SLC35D4: variants seen among roughly 807,000 people sequenced by gnomAD.
The protein encoded by SLC35D4 is solute carrier family 35 member D4, also known as UDP-N-acetylglucosamine transporter SLC35D4.
At chr18:23,436,307 C>T in the SLC35D4 span, among the ~76,000 whole-genome samples, 472 of 80,568 alleles carry the variant, frequency 5.9e-3, 7 homozygotes, top group African/African-American at 0.023. Flanking sequence ...GGATTACAGG[C>T]GTGAGCCACC....
chr18:23,308,303 A>G, the SLC35D4 span, among the ~76,000 whole-genome samples: 1 of 152,152 alleles, frequency 6.6e-6, no homozygotes, highest in Non-Finnish European at 1.5e-5. Context: ...TCCCCTCCCC[A>G]GATCCGCAGG....
the SLC35D4 span, among the ~76,000 whole-genome samples, chr18:23,295,648 T>C: frequency 6.6e-6 from 1 of 152,136 alleles, no homozygotes; most frequent in Non-Finnish European, 1.5e-5. Context: ...GGTACTCAAG[T>C]TCCAAATACA....
chr18:23,317,486 G>A, the SLC35D4 span, among the ~76,000 whole-genome samples: 2 of 152,240 alleles, frequency 1.3e-5, no homozygotes, highest in Admixed American at 1.3e-4. Flanking sequence ...TCCACCAGCA[G>A]TGTGTGAGGG....
At chr18:23,437,903 T>TGGCCGCCGCCC in the SLC35D4 span, 1 of 1,571,080 alleles carries the variant, frequency 6.4e-7, no homozygotes. Flanking sequence ...CCAAATCCCC[T>TGGCCGCCGCCC]GGCCGCCGCC....
At chr18:23,407,884 T>C in the SLC35D4 span, among the ~76,000 whole-genome samples, 11 of 152,336 alleles carry the variant, frequency 7.2e-5, no homozygotes, top group South Asian at 2.3e-3. Context: ...TCCATGACTT[T>C]ATCCTTGGAT....
At chr18:23,426,168 GA>G in the SLC35D4 span, among the ~76,000 whole-genome samples, 2 of 150,908 alleles carry the variant, frequency 1.3e-5, no homozygotes, top group South Asian at 2.1e-4. Context: ...TGATGGAGAA[GA>G]AAAAAACATA....
chr18:23,301,277 T>C, the SLC35D4 span, among the ~76,000 whole-genome samples: 2 of 152,216 alleles, frequency 1.3e-5, no homozygotes, highest in Non-Finnish European at 2.9e-5. Context: ...GAGAAGGCCC[T>C]TCTTACGTAG....
the SLC35D4 span, among the ~76,000 whole-genome samples, chr18:23,267,598 T>C: frequency 2.0e-5 from 3 of 152,218 alleles, no homozygotes; most frequent in East Asian, 5.8e-4. Flanking sequence ...GGCTGCCCAC[T>C]CCCTGCACTG....
chr18:23,298,112 C>T, the SLC35D4 span: 1 of 1,611,206 alleles, frequency 6.2e-7, no homozygotes, highest in Non-Finnish European at 8.5e-7. Context: ...CCCCGGGACC[C>T]CTGAGCTGCC....
chr18:23,247,233 G>A, the SLC35D4 span, among the ~76,000 whole-genome samples: 1 of 152,238 alleles, frequency 6.6e-6, no homozygotes, highest in Non-Finnish European at 1.5e-5. Flanking sequence ...CCTCAAGACA[G>A]GATGTGCCGG....
the SLC35D4 span, among the ~76,000 whole-genome samples, chr18:23,284,736 C>A: frequency 6.6e-6 from 1 of 152,160 alleles, no homozygotes; most frequent in Non-Finnish European, 1.5e-5. Flanking sequence ...ACCACACTGG[C>A]AAATGTTATT....
At chr18:23,293,248 A>C in the SLC35D4 span, among the ~76,000 whole-genome samples, 1 of 152,188 alleles carries the variant, frequency 6.6e-6, no homozygotes, top group East Asian at 1.9e-4. Flanking sequence ...CCATCTCAAA[A>C]ATAAATGAAT....
At chr18:23,275,116 ATG>A in the SLC35D4 span, among the ~76,000 whole-genome samples, 2 of 145,842 alleles carry the variant, frequency 1.4e-5, no homozygotes, top group South Asian at 2.2e-4. Context: ...TTGTGTGTGC[ATG>A]TGTGTGTGCT....
the SLC35D4 span, among the ~76,000 whole-genome samples, chr18:23,410,201 C>T: frequency 2.0e-5 from 3 of 152,134 alleles, no homozygotes; most frequent in Non-Finnish European, 4.4e-5. Flanking sequence ...GTGCATTAGG[C>T]CGGGCGCGGT....
chr18:23,261,701 T>C, the SLC35D4 span, among the ~76,000 whole-genome samples: 1 of 152,240 alleles, frequency 6.6e-6, no homozygotes, highest in South Asian at 2.1e-4. Context: ...AACACTTTTG[T>C]ACAGTATTTG....
the SLC35D4 span, among the ~76,000 whole-genome samples, chr18:23,262,688 A>G: frequency 6.6e-6 from 1 of 152,256 alleles, no homozygotes; most frequent in Non-Finnish European, 1.5e-5. Flanking sequence ...GGGGAGAGAC[A>G]GATTCCCCAG....
chr18:23,369,024 G>C, the SLC35D4 span, among the ~76,000 whole-genome samples: 1 of 152,112 alleles, frequency 6.6e-6, no homozygotes. Flanking sequence ...GGCTTTTGGG[G>C]CTACCATATT....
At chr18:23,372,388 C>T in the SLC35D4 span, among the ~76,000 whole-genome samples, 3 of 152,172 alleles carry the variant, frequency 2.0e-5, no homozygotes, top group East Asian at 1.9e-4. Flanking sequence ...GGACTGCCCT[C>T]GCCTGCTTTC....
chr18:23,352,746 G>A, the SLC35D4 span, among the ~76,000 whole-genome samples: 3 of 152,240 alleles, frequency 2.0e-5, no homozygotes, highest in Non-Finnish European at 4.4e-5. Flanking sequence ...ATCTGAAGGG[G>A]AAGGCTGGCT....
Sources: allele counts gnomAD v4.1 joint callset (sites outside exome capture counted in the v4.1 genomes callset), GRCh38; gene constraint gnomAD v4.1.1; transcripts MANE v1.5; gene names NCBI Gene and HGNC (gene_info 2026-07-23, HGNC 2026-07-21).